The following ADCY8 variants were observed in gnomAD, a reference collection of about 807,000 sequenced individuals.
ADCY8 encodes the protein adenylate cyclase 8.
Under a neutral mutation model 119.7 loss-of-function variants are expected in ADCY8, and 51 were observed. The ratio of observed to expected loss-of-function variants is 0.43; its 90% CI spans 0.34 to 0.54. The LOEUF (loss-of-function observed/expected upper bound fraction) is 0.54, where lower values mean the gene tolerates loss of function less well. ADCY8 is among the 20% of genes least tolerant of loss of function. ADCY8 has a pLI of 0.03. For synonymous variants in ADCY8, 665 were observed against 651.0 expected (o/e 1.02, Z -0.33); for missense variants, 1,383 against 1,598.8 (o/e 0.87, Z 2.30).
intron 7 of ADCY8, among the ~76,000 whole-genome samples, chr8:130,893,881 C>T (rs113758162): frequency 7.9e-4 from 113 of 143,008 alleles, no homozygotes; most frequent in Admixed American, 1.2e-3. Flanking sequence ...TGTGTGTTTG[C>T]GGGTGTGCAT....
intron 11 of ADCY8, among the ~76,000 whole-genome samples, chr8:130,841,963 C>T (rs766284338): frequency 2.0e-5 from 3 of 152,276 alleles, no homozygotes; most frequent in Non-Finnish European, 2.9e-5. Flanking sequence ...GCAAGGAGGG[C>T]ATCATAAACC....
At chr8:130,963,199 C>A (rs12674666) in intron 2 of ADCY8, among the ~76,000 whole-genome samples, 34 of 151,470 alleles carry the variant, frequency 2.2e-4, no homozygotes, top group Middle Eastern at 3.4e-3. Flanking sequence ...GTGGCTTAGT[C>A]CTTGGCAGGA....
intron 7 of ADCY8, among the ~76,000 whole-genome samples, chr8:130,902,553 C>G (rs1819637215): frequency 6.6e-6 from 1 of 152,136 alleles, no homozygotes; most frequent in Admixed American, 6.5e-5. Context: ...TAGTTTTTCC[C>G]CCACAGATCC....
At chr8:130,929,544 T>C (rs905281632) in intron 5 of ADCY8, among the ~76,000 whole-genome samples, 2 of 152,220 alleles carry the variant, frequency 1.3e-5, no homozygotes, top group Non-Finnish European at 2.9e-5. Context: ...GATTTGTTTA[T>C]GTCCTAACAT....
intron 7 of ADCY8, 38 bp from the exon 8 acceptor site, chr8:130,884,799 A>G: frequency 6.3e-7 from 1 of 1,579,520 alleles, no homozygotes; most frequent in Non-Finnish European, 8.7e-7. Flanking sequence ...TAAACCTGCT[A>G]GTCCCCTTTA....
chr8:130,929,709 C>A (rs966112492), intron 5 of ADCY8, among the ~76,000 whole-genome samples: 3 of 152,142 alleles, frequency 2.0e-5, no homozygotes, highest in African/African-American at 7.2e-5. Flanking sequence ...TGTGGATAAT[C>A]TGTGTACTGC....
intron 8 of ADCY8, among the ~76,000 whole-genome samples, chr8:130,876,660 G>A (rs75464597): frequency 0.012 from 1,874 of 151,978 alleles, 17 homozygotes; most frequent in Middle Eastern, 0.02. Context: ...TTGTATATGT[G>A]TGTGCCTATG....
chr8:130,882,827 C>G (rs1484130762), intron 8 of ADCY8, among the ~76,000 whole-genome samples: 1 of 151,984 alleles, frequency 6.6e-6, no homozygotes, highest in Non-Finnish European at 1.5e-5. Flanking sequence ...TAGAGATGGT[C>G]TCAGAGCAAG....
In ADCY8 at chr8:130,814,202, A is replaced by C; in HGVS notation, c.2780T>G (p.Phe927Cys). ...CTCTTTGGCCTGTACTCGCCAAAGG[A>C]AGTCCAGGCGGGCTGTGTACTCCAG... ...QQLEYTARLD[F>C]LWRVQAKEEI... The change falls in exon 14 of 18, where the codon TTC (phenylalanine) becomes TGC (cysteine). Residue 927 changes from phenylalanine to cysteine, a missense_variant. Around this residue, in one of 2 missense-constraint regions of ADCY8, gnomAD observed 928 missense variants for 1,163.5 expected, o/e 0.80. Coordinates refer to ENST00000286355, the MANE Select transcript of ADCY8 (RefSeq NM_001115.3). 1 of 1,614,130 alleles carries C rather than the reference A, an allele frequency of 6.2e-7. No homozygotes were observed. The highest frequency in any genetic ancestry group is 8.5e-7 in the Non-Finnish European group (1 of 1,180,022).
intron 1 of ADCY8, among the ~76,000 whole-genome samples, chr8:131,032,645 T>G (rs1229800732): frequency 6.6e-6 from 1 of 152,138 alleles, no homozygotes; most frequent in Non-Finnish European, 1.5e-5. Context: ...TTCTGCATTC[T>G]TCCTCTCCCC....
In ADCY8 at chr8:130,839,096, CTTAGGTCATA is replaced by C. The variant is rs1430288367; in HGVS notation, c.2503-2657_2503-2648del. Among the ~76,000 whole-genome samples, 2 of 139,094 alleles carry C rather than the reference CTTAGGTCATA, an allele frequency of 1.4e-5. 1 individual carries two copies. The highest frequency in any genetic ancestry group is 1.5e-4 in the Admixed American group (2 of 13,636). The allele number at this position is 139,094 out of a possible 152,430, so 91.3% of individuals were successfully genotyped here. On this transcript the variant is annotated intron_variant, in intron 11 of 17. Transcript: ENST00000286355. ...AACAAGGTGTCAGGAGGATTGATTC[CTTAGGTCATA>C]TTAGAGAATCATACAACTACTCATA...
chr8:130,833,971 C>A (rs1451472365), intron 12 of ADCY8, among the ~76,000 whole-genome samples: 1 of 151,886 alleles, frequency 6.6e-6, no homozygotes, highest in Non-Finnish European at 1.5e-5. Flanking sequence ...TTCAAGAGAT[C>A]GATTGTAAAA....
intron 9 of ADCY8, 104 bp from the exon 10 acceptor site, chr8:130,849,907 T>A: frequency 8.8e-7 from 1 of 1,132,766 alleles, no homozygotes; most frequent in Non-Finnish European, 1.3e-6. Context: ...CGGATACTTC[T>A]TTGAAAGTTC....
At chr8:130,862,674 A>G (rs1817978676) in intron 9 of ADCY8, among the ~76,000 whole-genome samples, 1 of 152,168 alleles carries the variant, frequency 6.6e-6, no homozygotes, top group South Asian at 2.1e-4. Context: ...CGGCCTCCCA[A>G]AGTGCTGGGA....
At chr8:130,883,548 C>T (rs186361432) in intron 8 of ADCY8, among the ~76,000 whole-genome samples, 3 of 152,266 alleles carry the variant, frequency 2.0e-5, no homozygotes, top group Admixed American at 1.3e-4. Flanking sequence ...ATTGTGAATT[C>T]TCTAAACTAA....
intron 1 of ADCY8, among the ~76,000 whole-genome samples, chr8:131,029,479 G>A (rs1304986318): frequency 6.6e-6 from 1 of 152,146 alleles, no homozygotes; most frequent in Non-Finnish European, 1.5e-5. Flanking sequence ...TAGAGATTCA[G>A]AGCCAGGATG....
At chr8:130,966,234 G>T (rs891282498) in intron 2 of ADCY8, among the ~76,000 whole-genome samples, 3 of 152,110 alleles carry the variant, frequency 2.0e-5, no homozygotes, top group African/African-American at 7.2e-5. Context: ...TCACTTCTCA[G>T]CCACTAAGAC....
intron 12 of ADCY8, among the ~76,000 whole-genome samples, chr8:130,827,644 A>G (rs1816708237): frequency 6.6e-6 from 1 of 152,040 alleles, no homozygotes; most frequent in South Asian, 2.1e-4. Flanking sequence ...CCACTCCTAA[A>G]CCACTTGTGT....
chr8:130,914,051 A>C (rs978950603), intron 5 of ADCY8, among the ~76,000 whole-genome samples: 15 of 152,216 alleles, frequency 9.9e-5, no homozygotes, highest in African/African-American at 3.4e-4. Flanking sequence ...CTTGTCTACT[A>C]TTTATGAAGG....
Sources: allele counts gnomAD v4.1 joint callset (sites outside exome capture counted in the v4.1 genomes callset), GRCh38; gene constraint gnomAD v4.1.1; regional missense constraint gnomAD v4.1.1; transcripts MANE v1.5; gene names NCBI Gene and HGNC (gene_info 2026-07-23, HGNC 2026-07-21).